CAPN11: variants seen among roughly 807,000 people sequenced by gnomAD.
CAPN11 encodes calpain 11, also known as calpain-11.
A neutral mutation model predicts 105.3 loss-of-function variants in CAPN11; 108 were observed. That is an observed-to-expected ratio of 1.03 (90% CI 0.88 to 1.20). The LOEUF is 1.20. Ranked by LOEUF, CAPN11 falls within the 50% of genes most tolerant of loss-of-function variation. The pLI is 0.00. For synonymous variants in CAPN11, 329 were observed against 344.5 expected (o/e 0.96, Z 0.50); for missense variants, 883 against 924.8 (o/e 0.95, Z 0.59).
At chr6:44,183,064 G>C (rs781108894) in intron 20 of CAPN11, 45 bp downstream of exon 20, 13 of 1,592,988 alleles carry the variant, frequency 8.2e-6, no homozygotes, top group Non-Finnish European at 1.1e-5. Flanking sequence ...GAAGAGGATG[G>C]CAGTGTCCAG....
chr6:44,182,957 G>A lies in CAPN11; in HGVS notation c.1955G>A (p.Cys652Tyr). 6.2e-7 allele frequency: 1 copy of A among 1,609,560 alleles called. No homozygotes were observed. Among genetic ancestry groups the A allele is most frequent in the Non-Finnish European group, 8.5e-7 (1 of 1,177,562 alleles). ...LKKWMDIFRE[C>Y]DQDHSGTLNS... ...TCTCTTCAGGACATCTTCAGAGAGTGTGACCAGGACCATTCAGGCACCTTG... is the reference window on the plus strand; with the variant it reads ...TCTCTTCAGGACATCTTCAGAGAGTATGACCAGGACCATTCAGGCACCTTG... The change falls in exon 20 of 23, where the codon TGT (cysteine) becomes TAT (tyrosine). Residue 652 changes from cysteine (C) to tyrosine (Y), a missense_variant. Coordinates refer to ENST00000398776, the MANE Select transcript of CAPN11 (RefSeq NM_007058.4).
chr6:44,183,043 C>A, intron 20 of CAPN11, 24 bp downstream of exon 20: 2 of 1,607,356 alleles, frequency 1.2e-6, no homozygotes, highest in Non-Finnish European at 1.7e-6. Flanking sequence ...AGGAGTGGGC[C>A]TTGGGGCAGG....
intron 19 of CAPN11, 21 bp from the exon 20 acceptor site, chr6:44,182,920 C>G: frequency 6.4e-7 from 1 of 1,574,072 alleles, no homozygotes; most frequent in South Asian, 1.1e-5. Flanking sequence ...GTGGCCCTAC[C>G]ATATCTGTCT....
chr6:44,162,260 C>G (rs892026802), intron 1 of CAPN11, among the ~76,000 whole-genome samples: 1 of 152,048 alleles, frequency 6.6e-6, no homozygotes, highest in African/African-American at 2.4e-5. Flanking sequence ...TTCAGCTCTC[C>G]CCTCTCAGGA....
At chr6:44,166,536 CTG>C (rs1485658841) in intron 1 of CAPN11, among the ~76,000 whole-genome samples, 3 of 152,170 alleles carry the variant, frequency 2.0e-5, no homozygotes, top group Non-Finnish European at 4.4e-5. Flanking sequence ...GGAGGACTAA[CTG>C]AGACCTCCTG....
At chr6:44,176,682 T>C in intron 10 of CAPN11, 27 bp downstream of exon 10, 3 of 1,572,614 alleles carry the variant, frequency 1.9e-6, no homozygotes, top group Non-Finnish European at 2.6e-6. Flanking sequence ...GTGGGCTTCT[T>C]ACCACCACCC....
rs1421826055 is a variant in CAPN11, at chr6:44,180,156, G to GA, written c.1634dup (p.Ser546ValfsTer6). ...TCGGGTCTTCACCGAGAAGCACAGCGAGTCATGGTAAGGGGCTGCAGCTCA... is the reference window on the plus strand; with the variant it reads ...TCGGGTCTTCACCGAGAAGCACAGCGAAGTCATGGTAAGGGGCTGCAGCTCA... On this transcript the variant is annotated frameshift_variant, in exon 14 of 23. Coordinates refer to ENST00000398776, the MANE Select transcript of CAPN11 (RefSeq NM_007058.4). LOFTEE classifies it high-confidence loss of function. 6.2e-7 allele frequency: 1 copy of GA among 1,609,760 alleles called. No individual in the cohort carries two copies.
chr6:44,176,255 C>A lies in CAPN11; in HGVS notation c.918C>A (p.Val306=). 6.2e-7 allele frequency: 1 copy of A among 1,601,418 alleles called. No homozygotes were observed. The highest frequency in any genetic ancestry group is 8.5e-7 in the Non-Finnish European group (1 of 1,170,240). ...HAYSVTGLQD[V]HYRGKMETLI... is the part of the protein sequence containing the mutation. ...TTTAACCACCCCCGCCCACCCAGGT[C>A]CACTACAGAGGCAAAATGGAAACAC... The change falls in exon 9 of 23, where the codon GTC becomes GTA. Residue 306 remains valine (V), a splice_region_variant and synonymous_variant. Transcript: ENST00000398776.
chr6:44,179,033 T>G (rs928024819), intron 12 of CAPN11, among the ~76,000 whole-genome samples: 1 of 152,218 alleles, frequency 6.6e-6, no homozygotes, highest in Non-Finnish European at 1.5e-5. Context: ...TAGAGCAACC[T>G]GTTTAACTTG....
intron 18 of CAPN11, 69 bp downstream of exon 18, chr6:44,181,066 C>G (rs1773056407): frequency 7.1e-7 from 1 of 1,416,330 alleles, no homozygotes; most frequent in Non-Finnish European, 1.0e-6. Context: ...GATGGCCACC[C>G]TGGGCCAGCC....
At chr6:44,173,656 C>T (rs769703332) in intron 7 of CAPN11, among the ~76,000 whole-genome samples, 16 of 151,756 alleles carry the variant, frequency 1.1e-4, no homozygotes, top group Non-Finnish European at 2.1e-4. Flanking sequence ...GATCTCGGCT[C>T]ACTGCAACCT....
At chr6:44,167,437 G>A (rs1770116097) in intron 2 of CAPN11, among the ~76,000 whole-genome samples, 1 of 142,478 alleles carries the variant, frequency 7.0e-6, no homozygotes, top group Non-Finnish European at 1.5e-5. Flanking sequence ...GGCAGAGGTT[G>A]CAGTGAGCCG....
chr6:44,160,027 G>T (rs1237173672), intron 1 of CAPN11, among the ~76,000 whole-genome samples: 1 of 151,852 alleles, frequency 6.6e-6, no homozygotes, highest in Non-Finnish European at 1.5e-5. Context: ...CCAGCTACTC[G>T]GGAGGCTGAG....
intron 12 of CAPN11, among the ~76,000 whole-genome samples, chr6:44,178,117 T>C (rs1309473480): frequency 6.6e-6 from 1 of 152,152 alleles, no homozygotes; most frequent in Non-Finnish European, 1.5e-5. Flanking sequence ...AGCCGGCAGT[T>C]TTCTCTTCAC....
chr6:44,167,495 C>A (rs12203978), intron 2 of CAPN11, among the ~76,000 whole-genome samples: 3 of 75,442 alleles, frequency 4.0e-5, no homozygotes, highest in Non-Finnish European at 6.5e-5. Flanking sequence ...GAGACTCCAT[C>A]TCAAAAAAAA....
chr6:44,179,513 A>AAC (rs1038234725), intron 12 of CAPN11, 106 bp from the exon 13 acceptor site: 41 of 1,019,556 alleles, frequency 4.0e-5, no homozygotes, highest in East Asian at 7.1e-5. Flanking sequence ...CCCCTCCAAC[A>AAC]ACACACACAC....
intron 4 of CAPN11, among the ~76,000 whole-genome samples, chr6:44,171,337 C>A (rs149204712): frequency 5.7e-3 from 873 of 152,306 alleles, no homozygotes; most frequent in Non-Finnish European, 8.6e-3. Context: ...AGGGACACTG[C>A]CTCATACCCA....
chr6:44,176,292 C>T lies in CAPN11; in HGVS notation c.955C>T (p.Arg319Trp), dbSNP rs764019410. The T allele has an allele frequency of 1.3e-5, 21 of 1,613,918 alleles. No individual in the cohort carries two copies. Among genetic ancestry groups the T allele is most frequent in the African/African-American group, 1.1e-4 (8 of 75,024 alleles). The change falls in exon 9 of 23, where the codon CGG (arginine) becomes TGG (tryptophan). Residue 319 changes from arginine to tryptophan, a missense_variant. By Grantham distance (101) the Arg-to-Trp change is moderately radical. Transcript: ENST00000398776. Reference protein sequence around the residue: ...RGKMETLIRVRNPWGRIEWNG... With the variant: ...RGKMETLIRVWNPWGRIEWNG... The stretch of plus-strand genomic sequence containing the variant: ...CAAAATGGAAACACTGATTCGGGTC[C>T]GGAATCCCTGGGGCCGGATTGAGTG...
intron 12 of CAPN11, among the ~76,000 whole-genome samples, chr6:44,178,098 T>C (rs1052695841): frequency 6.6e-6 from 1 of 152,224 alleles, no homozygotes; most frequent in Non-Finnish European, 1.5e-5. Context: ...TTTGTGCCTT[T>C]CAAGCCAGAG....
Sources: allele counts gnomAD v4.1 joint callset (sites outside exome capture counted in the v4.1 genomes callset), GRCh38; gene constraint gnomAD v4.1.1; transcripts MANE v1.5; gene names NCBI Gene and HGNC (gene_info 2026-07-23, HGNC 2026-07-21).